The following ACBD6 variants were observed in gnomAD, a reference collection of about 807,000 sequenced individuals.
ACBD6 encodes acyl-CoA-binding domain-containing protein 6.
ACBD6 carries 28 observed loss-of-function variants against 37.2 expected under a neutral mutation model. That is an observed-to-expected ratio of 0.75 (90% CI 0.56 to 1.03). ACBD6 has a LOEUF of 1.03. Among genes scored for constraint, ACBD6 ranks in the 50% least tolerant of loss-of-function variants. The pLI is 0.00. For missense variants in ACBD6, 340 were observed against 337.4 expected (o/e 1.01, Z -0.06); for synonymous variants, 113 against 126.8 (o/e 0.89, Z 0.73).
At chr1:180,293,180 T>A (rs911064038) in intron 7 of ACBD6, among the ~76,000 whole-genome samples, 5 of 152,232 alleles carry the variant, frequency 3.3e-5, no homozygotes, top group African/African-American at 1.2e-4. Context: ...CCTGTTGTTT[T>A]CTTTTCCTCT....
intron 6 of ACBD6, among the ~76,000 whole-genome samples, chr1:180,388,552 T>C (rs1053978811): frequency 1.6e-4 from 24 of 152,270 alleles, no homozygotes; most frequent in Middle Eastern, 3.4e-3. Flanking sequence ...TCAGAACTAA[T>C]AGAAGCATTC....
chr1:180,441,791 T>A (rs1333119056), intron 3 of ACBD6, among the ~76,000 whole-genome samples: 2 of 152,218 alleles, frequency 1.3e-5, no homozygotes, highest in Non-Finnish European at 2.9e-5. Context: ...GTGGATTCTC[T>A]GGATTTTCTA....
At chr1:180,287,792 T>C (rs572989260), downstream of ACBD6, among the ~76,000 whole-genome samples, 2 of 152,290 alleles carry the variant, frequency 1.3e-5, no homozygotes, top group Non-Finnish European at 2.9e-5. Context: ...TTTTGAGATT[T>C]TCAGTAAATC....
intron 3 of ACBD6, among the ~76,000 whole-genome samples, chr1:180,468,948 G>C (rs573042561): frequency 1.5e-4 from 23 of 152,270 alleles, no homozygotes; most frequent in African/African-American, 5.1e-4. Context: ...TGGCTAGAAT[G>C]CTTCAGTATC....
At chr1:180,377,000 G>A (rs564857834) in intron 6 of ACBD6, among the ~76,000 whole-genome samples, 10 of 152,256 alleles carry the variant, frequency 6.6e-5, no homozygotes, top group South Asian at 2.1e-4. Flanking sequence ...AGTGGAAACC[G>A]TAAGGCTAAT....
At chr1:180,322,164 G>T (rs1401113134) in intron 6 of ACBD6, among the ~76,000 whole-genome samples, 3 of 152,046 alleles carry the variant, frequency 2.0e-5, no homozygotes, top group Non-Finnish European at 2.9e-5. Flanking sequence ...GTATCACACT[G>T]ATTTATTCGC....
intron 6 of ACBD6, among the ~76,000 whole-genome samples, chr1:180,364,357 C>A (rs891705782): frequency 1.3e-5 from 2 of 152,118 alleles, no homozygotes; most frequent in African/African-American, 4.8e-5. Flanking sequence ...TTTAGTGTTA[C>A]ATGTTTAAAA....
At chr1:180,406,474 G>A (rs1356829771) in intron 5 of ACBD6, among the ~76,000 whole-genome samples, 2 of 151,846 alleles carry the variant, frequency 1.3e-5, no homozygotes, top group East Asian at 1.9e-4. Context: ...TTATACTTAT[G>A]TACAATAAAA....
chr1:180,363,374 G>C (rs1175573615), intron 6 of ACBD6, among the ~76,000 whole-genome samples: 1 of 152,142 alleles, frequency 6.6e-6, no homozygotes, highest in African/African-American at 2.4e-5. Flanking sequence ...TTCCTTATGA[G>C]CTAAGTGAAA....
chr1:180,344,779 C>T (rs1179461799), intron 6 of ACBD6, among the ~76,000 whole-genome samples: 7 of 152,092 alleles, frequency 4.6e-5, no homozygotes, highest in Non-Finnish European at 1.0e-4. Context: ...CAACACAATC[C>T]GTATTTTCTC....
chr1:180,292,634 C>A (rs1392042579), intron 7 of ACBD6, among the ~76,000 whole-genome samples: 1 of 147,874 alleles, frequency 6.8e-6, no homozygotes, highest in African/African-American at 2.5e-5. Flanking sequence ...TTAATAGATT[C>A]TTGGGGTCTT....
At position 180,393,600 on chromosome 1, in the gene ACBD6, A is replaced by T. The variant is rs372223470; in HGVS notation, c.663+3916T>A. ...AGATGAACCTTTCCTTCCATTTATT[A>T]TGTTTGTATTGTCTATATTTGAAAA... is the stretch of plus-strand genomic sequence containing the variant. On this transcript the variant is annotated intron_variant, in intron 6 of 7. Coordinates refer to ENST00000367595, the MANE Select transcript of ACBD6 (RefSeq NM_032360.4). 7.4e-4 allele frequency among the ~76,000 whole-genome samples: 113 copies of T among 152,344 alleles called. 4 individuals are homozygous for T. The South Asian group carries it at 0.023, about 31-fold the overall frequency.
At chr1:180,322,535 G>C (rs988526362) in intron 6 of ACBD6, among the ~76,000 whole-genome samples, 1 of 151,928 alleles carries the variant, frequency 6.6e-6, no homozygotes, top group African/African-American at 2.4e-5. Flanking sequence ...CTTGTTATGT[G>C]TTACTGGTCT....
chr1:180,407,256 T>C (rs1647664178), intron 5 of ACBD6, among the ~76,000 whole-genome samples: 1 of 152,222 alleles, frequency 6.6e-6, no homozygotes, highest in Non-Finnish European at 1.5e-5. Flanking sequence ...TCTATGAATG[T>C]GTAAGCACTT....
At chr1:180,489,681 G>T (rs2102085256) in intron 3 of ACBD6, among the ~76,000 whole-genome samples, 1 of 150,654 alleles carries the variant, frequency 6.6e-6, no homozygotes, top group African/African-American at 2.4e-5. Context: ...TTTTGAGATG[G>T]AGTCTTGCTC....
chr1:180,353,185 A>C (rs1156674311), intron 6 of ACBD6, among the ~76,000 whole-genome samples: 1 of 152,258 alleles, frequency 6.6e-6, no homozygotes, highest in Non-Finnish European at 1.5e-5. Flanking sequence ...TATGGGGTAC[A>C]TAAAAGGTAG....
intron 6 of ACBD6, among the ~76,000 whole-genome samples, chr1:180,389,004 ATT>A (rs142303329): frequency 6.6e-6 from 1 of 151,672 alleles, no homozygotes; most frequent in African/African-American, 2.4e-5. Flanking sequence ...ATTCAATGCA[ATT>A]TTTTTTTATT....
At chr1:180,392,285 A>G (rs991312467) in intron 6 of ACBD6, among the ~76,000 whole-genome samples, 2 of 144,730 alleles carry the variant, frequency 1.4e-5, no homozygotes, top group Middle Eastern at 3.7e-3. Context: ...GTGTGTGTGT[A>G]TGTATGTAAA....
intron 3 of ACBD6, among the ~76,000 whole-genome samples, chr1:180,451,262 C>T (rs1468116583): frequency 6.6e-6 from 1 of 152,114 alleles, no homozygotes; most frequent in African/African-American, 2.4e-5. Context: ...AATCAGAACC[C>T]TCATACACTG....
Sources: allele counts gnomAD v4.1 joint callset (sites outside exome capture counted in the v4.1 genomes callset), GRCh38; gene constraint gnomAD v4.1.1; transcripts MANE v1.5; gene names NCBI Gene and HGNC (gene_info 2026-07-23, HGNC 2026-07-21).